The following SLC26A8 variants were observed in gnomAD, a reference collection of about 807,000 sequenced individuals.
The protein encoded by SLC26A8 is solute carrier family 26 member 8, also known as testis anion transporter 1.
Under a neutral mutation model 105.0 loss-of-function variants are expected in SLC26A8, and 70 were observed. The observed-to-expected ratio is 0.67, with a 90% confidence interval of 0.55 to 0.81. The LOEUF is 0.81. Among genes scored for constraint, SLC26A8 ranks in the 40% least tolerant of loss-of-function variants. The probability of loss-of-function intolerance (pLI) is 0.00; values close to 1 mark genes in which losing one functional copy is unlikely to be tolerated. For missense variants in SLC26A8, 998 were observed against 1,181.8 expected, an observed-to-expected ratio of 0.84 and a Z score of 2.28; for synonymous variants, 415 against 438.3, an observed-to-expected ratio of 0.95 and a Z score of 0.66.
intron 19 of SLC26A8, 35 bp from the exon 20 acceptor site, chr6:35,944,375 T>A (rs1053537995): frequency 1.4e-5 from 20 of 1,465,182 alleles, no homozygotes; most frequent in Non-Finnish European, 1.9e-5. Flanking sequence ...AATTTCTAAT[T>A]AAATTTAACC....
In SLC26A8 at chr6:35,997,835, A is replaced by C. The variant is rs1445133765; in HGVS notation, c.530T>G (p.Phe177Cys). ...GGGGGCCGAAAACTCATTCTTGACG[A>C]AAGATCCCATGACCAGTTGACCGTT... is the stretch of plus-strand genomic sequence containing the variant. Reference protein sequence around the residue: ...FNNGQLVMGSFVKNEFSAPSY... With the variant: ...FNNGQLVMGSCVKNEFSAPSY... The change falls in exon 5 of 20, where the codon TTC becomes TGC. Residue 177 changes from phenylalanine (F) to cysteine (C), a missense_variant. Physicochemically the swap from Phe to Cys is radical, Grantham distance 205. Coordinates refer to ENST00000490799, the MANE Select transcript of SLC26A8 (RefSeq NM_052961.4). 1 of 1,614,062 alleles carries C rather than the reference A, an allele frequency of 6.2e-7. No individual in the cohort carries two copies. The highest frequency in any genetic ancestry group is 8.5e-7 in the Non-Finnish European group (1 of 1,180,036).
At chr6:36,020,201 T>C (rs1244125918) in intron 1 of SLC26A8, among the ~76,000 whole-genome samples, 2 of 152,240 alleles carry the variant, frequency 1.3e-5, no homozygotes, top group African/African-American at 4.8e-5. Flanking sequence ...TGCCAGCACC[T>C]GATTCATTAT....
intron 2 of SLC26A8, 125 bp downstream of exon 2, chr6:36,019,395 C>A: frequency 9.6e-7 from 1 of 1,042,254 alleles, no homozygotes; most frequent in African/African-American, 1.6e-5. Context: ...AGAAAAATTG[C>A]ACAATAAACT....
chr6:35,959,077 T>C (rs1361584934), intron 16 of SLC26A8, among the ~76,000 whole-genome samples: 2 of 152,196 alleles, frequency 1.3e-5, no homozygotes, highest in African/African-American at 4.8e-5. Flanking sequence ...CTTGCCCTAG[T>C]TGGAATCAGA....
intron 13 of SLC26A8, 40 bp downstream of exon 13, chr6:35,960,953 A>ACCTTG: frequency 3.1e-6 from 5 of 1,614,036 alleles, no homozygotes; most frequent in Non-Finnish European, 4.2e-6. Flanking sequence ...GAGTTGGCTT[A>ACCTTG]CCTTGCCTTG....
intron 7 of SLC26A8, chr6:35,989,691 A>T (rs1773674770): frequency 6.6e-6 from 1 of 152,206 alleles, no homozygotes; most frequent in Non-Finnish European, 1.5e-5. Context: ...GGACCTTAAC[A>T]TCGGAGCATA....
chr6:35,983,835 G>A (rs188352275), intron 7 of SLC26A8, among the ~76,000 whole-genome samples: 1 of 152,236 alleles, frequency 6.6e-6, no homozygotes, highest in East Asian at 1.9e-4. Flanking sequence ...GATTACAGGC[G>A]TGAGCCACTG....
intron 10 of SLC26A8, among the ~76,000 whole-genome samples, chr6:35,970,238 G>T (rs188805778): frequency 7.2e-5 from 11 of 152,050 alleles, no homozygotes; most frequent in African/African-American, 1.7e-4. Context: ...TTTTACGTAG[G>T]GGGGGAAAAC....
At chr6:35,953,357 A>G (rs1771945394) in intron 17 of SLC26A8, among the ~76,000 whole-genome samples, 1 of 151,386 alleles carries the variant, frequency 6.6e-6, no homozygotes, top group Admixed American at 6.6e-5. Flanking sequence ...GAACAGAGAG[A>G]AAGTATGATA....
At chr6:35,999,540 T>A (rs186022470) in intron 4 of SLC26A8, among the ~76,000 whole-genome samples, 10 of 152,232 alleles carry the variant, frequency 6.6e-5, no homozygotes, top group African/African-American at 2.4e-4. Context: ...GAAGTACTTA[T>A]CCTATGGATG....
chr6:35,962,486 C>T lies in SLC26A8; in HGVS notation c.1461+40G>A, dbSNP rs756264746. On this transcript the variant is annotated intron_variant, in intron 12 of 19. Transcript: ENST00000490799. ...TTCTTTCTCCCTCTCTCCAACCTCC[C>T]TCTGCCCTCCCCTTCCTCAGCCAGG... is the stretch of plus-strand genomic sequence containing the variant. 4.6e-6 allele frequency: 7 copies of T among 1,536,752 alleles called. No individual in the cohort carries two copies. In the South Asian group the frequency reaches 6.7e-5, roughly 15 times the overall value.
intron 4 of SLC26A8, 106 bp downstream of exon 4, chr6:35,999,886 C>A: frequency 1.4e-6 from 1 of 724,236 alleles, no homozygotes; most frequent in South Asian, 1.9e-5. Context: ...CACCTCCTGC[C>A]TCCTTTCTTT....
chr6:35,957,685 G>A (rs886407790), intron 16 of SLC26A8, among the ~76,000 whole-genome samples: 1 of 149,542 alleles, frequency 6.7e-6, no homozygotes, highest in African/African-American at 2.5e-5. Context: ...CTGGCTCACT[G>A]AACTTCCGCC....
chr6:35,959,155 GC>G (rs1235214192), intron 16 of SLC26A8, among the ~76,000 whole-genome samples: 3 of 152,174 alleles, frequency 2.0e-5, no homozygotes, highest in Non-Finnish European at 4.4e-5. Context: ...GGAAATAGGT[GC>G]AACTACAGAA....
intron 1 of SLC26A8, among the ~76,000 whole-genome samples, chr6:36,021,395 C>A (rs909446271): frequency 1.3e-5 from 2 of 151,992 alleles, no homozygotes; most frequent in African/African-American, 4.8e-5. Flanking sequence ...GTATAATTGT[C>A]CAATGTACTT....
chr6:35,959,822 TGAAGTTGAGG>T lies in SLC26A8; in HGVS notation c.1639-26_1639-17del. The T allele has an allele frequency of 6.3e-7, 1 of 1,587,914 alleles. No homozygotes were observed. The highest frequency in any genetic ancestry group is 1.1e-5 in the South Asian group (1 of 88,522). Reference sequence around the variant, plus strand: ...TGGTGATGATCTGCAAGACAAAATGTGAAGTTGAGGGAAATTTCTCAGTTATTTTATGGAA... The same window carrying T: ...TGGTGATGATCTGCAAGACAAAATGTGAAATTTCTCAGTTATTTTATGGAA... On this transcript the variant is annotated splice_polypyrimidine_tract_variant and intron_variant, in intron 14 of 19. Coordinates refer to ENST00000490799, the MANE Select transcript of SLC26A8 (RefSeq NM_052961.4).
At chr6:36,006,919 A>T (rs1036580073) in intron 3 of SLC26A8, among the ~76,000 whole-genome samples, 1 of 152,224 alleles carries the variant, frequency 6.6e-6, no homozygotes, top group Non-Finnish European at 1.5e-5. Context: ...TGCAAAAAAA[A>T]TTTCACAAAA....
intron 7 of SLC26A8, among the ~76,000 whole-genome samples, chr6:35,987,041 A>C (rs1490892479): frequency 6.6e-6 from 1 of 152,246 alleles, no homozygotes; most frequent in Non-Finnish European, 1.5e-5. Context: ...TTGAAAAACA[A>C]GCCTTTCAGC....
intron 16 of SLC26A8, among the ~76,000 whole-genome samples, chr6:35,958,294 G>A (rs1400434597): frequency 6.6e-6 from 1 of 152,050 alleles, no homozygotes; most frequent in Admixed American, 6.6e-5. Flanking sequence ...GAGGTCTTGA[G>A]TTCGAGACCA....
Sources: gnomAD v4.1 joint callset for allele counts (sites outside exome capture counted in the v4.1 genomes callset) on GRCh38, gnomAD v4.1.1 for gene constraint, MANE v1.5 for transcripts, NCBI Gene and HGNC (gene_info 2026-07-23, HGNC 2026-07-21) for gene names.